The following PDSS2 variants were observed in gnomAD, a reference collection of about 807,000 sequenced individuals.
PDSS2 encodes the protein all trans-polyprenyl-diphosphate synthase PDSS2.
Under a neutral mutation model 44.5 loss-of-function variants are expected in PDSS2, and 31 were observed. The observed-to-expected ratio is 0.70, with a 90% CI of 0.52 to 0.94. The LOEUF is 0.94. Among genes scored for constraint, PDSS2 ranks in the 40% least tolerant of loss-of-function variants. The pLI, the probability that PDSS2 is intolerant of heterozygous loss-of-function variation, is 0.00. For synonymous variants in PDSS2, 157 were observed against 180.3 expected (o/e 0.87, Z 1.03); for missense variants, 452 against 482.2 (o/e 0.94, Z 0.59).
At chr6:107,445,518 G>A (rs1196106861) in intron 1 of PDSS2, among the ~76,000 whole-genome samples, 1 of 152,132 alleles carries the variant, frequency 6.6e-6, no homozygotes, top group Admixed American at 6.6e-5. Flanking sequence ...TGCATCAAAT[G>A]CATAAATATT....
intron 3 of PDSS2, among the ~76,000 whole-genome samples, chr6:107,261,721 G>A (rs1775235422): frequency 6.6e-6 from 1 of 151,348 alleles, no homozygotes; most frequent in African/African-American, 2.4e-5. Context: ...GGGATTATAG[G>A]TGCCCGCCAC....
chr6:107,326,860 A>C (rs1351424361), intron 2 of PDSS2, among the ~76,000 whole-genome samples: 1 of 152,130 alleles, frequency 6.6e-6, no homozygotes, highest in Non-Finnish European at 1.5e-5. Context: ...TCAAAAAAAA[A>C]AAAAAGTAGT....
intron 1 of PDSS2, among the ~76,000 whole-genome samples, chr6:107,443,454 T>C (rs1781569391): frequency 6.6e-6 from 1 of 152,210 alleles, no homozygotes; most frequent in Admixed American, 6.5e-5. Flanking sequence ...GCAACCTATA[T>C]ATTCATTTAC....
Position 107,227,531 on chromosome 6 carries a change from C to T in PDSS2, c.703-15249G>A, listed in dbSNP as rs1374010519. Among the ~76,000 whole-genome samples, 8 of 152,174 alleles carry T rather than the reference C, an allele frequency of 5.3e-5. No individual in the cohort carries two copies. In the East Asian group the frequency reaches 1.5e-3, roughly 29 times the overall value. On this transcript the variant is annotated intron_variant, in intron 4 of 7. Transcript: ENST00000369037. ...TTGAACTCTTGACCAAGTGATCTGC[C>T]TGCCTCAGCCTCCCAAAGTGCTGGG...
chr6:107,399,686 T>C (rs1780049344), intron 1 of PDSS2, among the ~76,000 whole-genome samples: 1 of 152,240 alleles, frequency 6.6e-6, no homozygotes, highest in South Asian at 2.1e-4. Flanking sequence ...AATGTTTTTG[T>C]TTTTCCTTTT....
At chr6:107,173,580 A>AAAC (rs1554249172) in intron 7 of PDSS2, among the ~76,000 whole-genome samples, 1 of 147,578 alleles carries the variant, frequency 6.8e-6, no homozygotes, top group Non-Finnish European at 1.5e-5. Flanking sequence ...CTCAAAAAAA[A>AAAC]AAAAAAAAAA....
chr6:107,445,995 TG>T (rs1171187740), intron 1 of PDSS2, among the ~76,000 whole-genome samples: 1 of 152,122 alleles, frequency 6.6e-6, no homozygotes, highest in East Asian at 1.9e-4. Context: ...TCTCTGGATT[TG>T]AAGTGCTTTT....
Position 107,193,853 on chromosome 6 carries a change from G to A in PDSS2, c.1010C>T (p.Ala337Val). 1 of 1,565,282 alleles carries A rather than the reference G, an allele frequency of 6.4e-7. No homozygotes were observed. The highest frequency in any genetic ancestry group is 8.8e-7 in the Non-Finnish European group (1 of 1,135,570). ...ATAGTCCAATCTTCCTTTTTCTTGA[G>A]CCTACAAAAGAAGAGGGGAAAATTA... ...RDLWIKQIGE[A>V]QEKGRLDYAK... The change falls in exon 7 of 8, where the codon GCT (alanine) becomes GTT (valine). Residue 337 changes from alanine to valine, a missense_variant and splice_region_variant. Ala to Val is a moderately conservative substitution (Grantham distance 64). Transcript: ENST00000369037.
intron 2 of PDSS2, among the ~76,000 whole-genome samples, chr6:107,277,391 T>C (rs567614556): frequency 6.6e-6 from 1 of 152,258 alleles, no homozygotes; most frequent in East Asian, 1.9e-4. Context: ...AGGGACTGTG[T>C]GGATAAGTGA....
chr6:107,306,163 A>AT (rs1329812644), intron 2 of PDSS2, among the ~76,000 whole-genome samples: 2 of 152,138 alleles, frequency 1.3e-5, no homozygotes, highest in African/African-American at 4.8e-5. Flanking sequence ...CAACTTAAGC[A>AT]TAAGTTTTCT....
intron 1 of PDSS2, among the ~76,000 whole-genome samples, chr6:107,450,875 C>T (rs914041565): frequency 2.0e-5 from 3 of 152,302 alleles, no homozygotes; most frequent in East Asian, 3.9e-4. Context: ...CTGTCACCCA[C>T]GCTGAAGTGC....
chr6:107,278,481 C>T (rs1051687054), intron 2 of PDSS2, among the ~76,000 whole-genome samples: 1 of 152,118 alleles, frequency 6.6e-6, no homozygotes, highest in African/African-American at 2.4e-5. Flanking sequence ...TGAAAAAAGT[C>T]CGCATTATCA....
intron 6 of PDSS2, among the ~76,000 whole-genome samples, 173 bp from the exon 7 acceptor site, chr6:107,194,027 A>C (rs1345624336): frequency 6.6e-6 from 1 of 152,238 alleles, no homozygotes; most frequent in Non-Finnish European, 1.5e-5. Context: ...AGCATATAGA[A>C]AAGTTAAACG....
intron 1 of PDSS2, among the ~76,000 whole-genome samples, chr6:107,363,517 G>A (rs1402248085): frequency 1.3e-5 from 2 of 152,168 alleles, no homozygotes; most frequent in Non-Finnish European, 2.9e-5. Context: ...TGGGCTCGTG[G>A]TCTCGCTGGC....
rs1366504156 is a variant in PDSS2 at position 107,154,062 on chromosome 6, C to T, written c.*557G>A. The T allele has an allele frequency of 6.6e-6, 1 of 151,964 alleles. No individual in the cohort carries two copies. Among genetic ancestry groups the T allele is most frequent in the African/African-American group, 2.4e-5 (1 of 41,276 alleles). The allele number at this position is 151,964 out of a possible 1,614,324, so 9.4% of individuals were successfully genotyped here. On this transcript the variant is annotated 3_prime_UTR_variant, in exon 8 of 8. Transcript: ENST00000369037. ...TGCACTCCAGCCTGGGCAACAAGAG[C>T]AAAACTACATCTAAAAAAAAAATAA... is the stretch of plus-strand genomic sequence containing the variant.
chr6:107,207,413 G>T (rs1773019215), intron 6 of PDSS2, among the ~76,000 whole-genome samples: 1 of 152,080 alleles, frequency 6.6e-6, no homozygotes, highest in Non-Finnish European at 1.5e-5. Context: ...GAAAAAATCA[G>T]AAAGAGAACT....
At chr6:107,199,707 A>C (rs1472043244) in intron 6 of PDSS2, among the ~76,000 whole-genome samples, 2 of 152,232 alleles carry the variant, frequency 1.3e-5, no homozygotes, top group Non-Finnish European at 1.5e-5. Context: ...TCAGTGTCTG[A>C]GTGAATGAAT....
chr6:107,249,106 G>A (rs185955353), intron 3 of PDSS2, among the ~76,000 whole-genome samples: 1 of 152,246 alleles, frequency 6.6e-6, no homozygotes, highest in Admixed American at 6.5e-5. Flanking sequence ...AGGCTTAACT[G>A]CCAAGTTGCA....
At chr6:107,356,818 G>T (rs1375889999) in intron 1 of PDSS2, among the ~76,000 whole-genome samples, 1 of 152,026 alleles carries the variant, frequency 6.6e-6, no homozygotes, top group African/African-American at 2.4e-5. Flanking sequence ...TCTTAAAATT[G>T]GTTTCCACAT....
Sources: gnomAD v4.1 joint callset for allele counts (sites outside exome capture counted in the v4.1 genomes callset) on GRCh38, gnomAD v4.1.1 for gene constraint, MANE v1.5 for transcripts, NCBI Gene and HGNC (gene_info 2026-07-23, HGNC 2026-07-21) for gene names.